GSK3B: variants seen among roughly 807,000 people sequenced by gnomAD.
The protein encoded by GSK3B is glycogen synthase kinase 3 beta.
GSK3B carries 15 observed loss-of-function variants against 56.4 expected under a neutral mutation model. That is an observed-to-expected ratio of 0.27 (90% CI 0.18 to 0.41). GSK3B has a LOEUF of 0.41. GSK3B is among the 10% of genes least tolerant of loss of function. GSK3B has a pLI of 1.00. For synonymous variants in GSK3B, 181 were observed against 188.9 expected (o/e 0.96, Z 0.34); for missense variants, 300 against 513.4 (o/e 0.58, Z 4.02).
intron 7 of GSK3B, among the ~76,000 whole-genome samples, chr3:119,885,595 A>C (rs540844322): frequency 6.6e-6 from 1 of 152,260 alleles, no homozygotes; most frequent in East Asian, 1.9e-4. Flanking sequence ...ATATAGCCAA[A>C]GCAATCCTAA....
At chr3:119,979,293 T>A (rs992313491) in intron 2 of GSK3B, among the ~76,000 whole-genome samples, 23 of 152,174 alleles carry the variant, frequency 1.5e-4, no homozygotes, top group African/African-American at 5.6e-4. Flanking sequence ...AGCTTGTACC[T>A]CTTATAAAAT....
chr3:119,925,157 C>T (rs965337125), intron 3 of GSK3B, among the ~76,000 whole-genome samples: 1 of 151,624 alleles, frequency 6.6e-6, no homozygotes, highest in Non-Finnish European at 1.5e-5. Context: ...GGCAAAACCC[C>T]ATCTCTACAA....
chr3:120,079,830 C>T (rs773942832), intron 1 of GSK3B, among the ~76,000 whole-genome samples: 7 of 152,186 alleles, frequency 4.6e-5, no homozygotes, highest in Non-Finnish European at 8.8e-5. Context: ...CAAGTATTTG[C>T]TACTTACAGA....
chr3:119,872,513 G>A (rs761287637), intron 8 of GSK3B, among the ~76,000 whole-genome samples: 3 of 152,084 alleles, frequency 2.0e-5, no homozygotes, highest in Non-Finnish European at 4.4e-5. Flanking sequence ...CATCACATGT[G>A]CTTTTTAAAA....
intron 1 of GSK3B, 62 bp from the exon 2 acceptor site, chr3:120,002,301 G>A: frequency 1.2e-6 from 1 of 845,346 alleles, no homozygotes; most frequent in South Asian, 2.9e-5. Flanking sequence ...AGAGAAAACT[G>A]CCAAAATATA....
At chr3:119,911,008 A>G (rs918976612) in intron 6 of GSK3B, among the ~76,000 whole-genome samples, 1 of 152,172 alleles carries the variant, frequency 6.6e-6, no homozygotes, top group Non-Finnish European at 1.5e-5. Flanking sequence ...CCTTCACTGA[A>G]GTCTAGAATG....
intron 1 of GSK3B, among the ~76,000 whole-genome samples, chr3:120,083,050 C>T (rs1437008203): frequency 6.6e-6 from 1 of 151,642 alleles, no homozygotes; most frequent in Non-Finnish European, 1.5e-5. Context: ...TACAAAGTAA[C>T]CTTCCAACAT....
At chr3:120,033,040 A>G (rs1474299860) in intron 1 of GSK3B, among the ~76,000 whole-genome samples, 1 of 152,222 alleles carries the variant, frequency 6.6e-6, no homozygotes, top group Non-Finnish European at 1.5e-5. Flanking sequence ...CTAAGGAAAC[A>G]GTAACCTACT....
At position 119,826,346 on chromosome 3, in the gene GSK3B, G is replaced by T; in HGVS notation, c.*442C>A. On this transcript the variant is annotated 3_prime_UTR_variant, in exon 11 of 11. Coordinates refer to ENST00000264235, the MANE Select transcript of GSK3B (RefSeq NM_001146156.2). ...CTAAGCTCCCAACCAATTTCAAGCT[G>T]TGCACTATACCAAAGTCTCACACTA... 2.7e-6 allele frequency: 1 copy of T among 373,132 alleles called. No individual in the cohort carries two copies. Among genetic ancestry groups the T allele is most frequent in the Non-Finnish European group, 5.0e-6 (1 of 201,106 alleles). The allele number at this position is 373,132 out of a possible 1,614,324, so 23.1% of individuals were successfully genotyped here.
chr3:119,994,218 T>C (rs1483345055), intron 2 of GSK3B, among the ~76,000 whole-genome samples: 1 of 151,960 alleles, frequency 6.6e-6, no homozygotes, highest in African/African-American at 2.4e-5. Context: ...TTTAATAAAA[T>C]GAGAGTCAAT....
intron 9 of GSK3B, among the ~76,000 whole-genome samples, chr3:119,856,087 CATTTTTTCTTT>C (rs2056019581): frequency 6.6e-6 from 1 of 152,132 alleles, no homozygotes; most frequent in African/African-American, 2.4e-5. Context: ...TTAGCTTTGT[CATTTTTTCTTT>C]ATCTTTCTGG....
chr3:119,918,520 T>C (rs564035842), intron 4 of GSK3B, among the ~76,000 whole-genome samples: 10 of 152,080 alleles, frequency 6.6e-5, no homozygotes, highest in Admixed American at 2.6e-4. Flanking sequence ...GTTTGGTGGC[T>C]AAATAAAAGA....
chr3:119,976,983 A>C (rs2057414686), intron 2 of GSK3B, among the ~76,000 whole-genome samples: 1 of 152,090 alleles, frequency 6.6e-6, no homozygotes, highest in African/African-American at 2.4e-5. Context: ...CTCTCAAACC[A>C]CTCAAGACAC....
chr3:119,917,864 G>C lies in GSK3B; in HGVS notation c.478-1690C>G, dbSNP rs2319401. On this transcript the variant is annotated intron_variant, in intron 4 of 10. Coordinates refer to ENST00000264235, the MANE Select transcript of GSK3B (RefSeq NM_001146156.2). ...TTTGTAAAAGTGTATTTATAAGAAA[G>C]CTGAGAGGCTTTCTAGACTAGAATG... Among the ~76,000 whole-genome samples the C allele has an allele frequency of 1.1e-3, 167 of 152,104 alleles. 1 individual carries two copies. The highest frequency in any genetic ancestry group is 3.6e-3 in the African/African-American group (149 of 41,536).
rs17246730 is a variant in GSK3B, at chr3:119,923,499, T to A, written c.367-16A>T. 9,339 of 1,348,858 alleles carry A rather than the reference T, an allele frequency of 6.9e-3. 322 individuals are homozygous for A. The African/African-American group carries it at 0.092, about 13-fold the overall frequency. The allele number at this position is 1,348,858 out of a possible 1,614,324, so 83.6% of individuals were successfully genotyped here. ...CCTCATCTTTCTGAAAGAGTTTATT[T>A]AAAAAAACAAAAAACAAAACAGATT... On this transcript the variant is annotated splice_polypyrimidine_tract_variant and intron_variant, in intron 3 of 10. Coordinates refer to ENST00000264235, the MANE Select transcript of GSK3B (RefSeq NM_001146156.2).
intron 1 of GSK3B, among the ~76,000 whole-genome samples, chr3:120,042,983 A>G (rs1443628023): frequency 4.6e-5 from 7 of 152,182 alleles, no homozygotes; most frequent in African/African-American, 1.7e-4. Context: ...TGACATTCCT[A>G]CATTTAAAAC....
intron 2 of GSK3B, among the ~76,000 whole-genome samples, chr3:119,989,041 T>C (rs1324601256): frequency 6.6e-6 from 1 of 152,138 alleles, no homozygotes; most frequent in Admixed American, 6.5e-5. Context: ...TGGCTACAAG[T>C]TTCCAAAATA....
At chr3:120,048,797 T>C (rs1287889929) in intron 1 of GSK3B, among the ~76,000 whole-genome samples, 1 of 152,338 alleles carries the variant, frequency 6.6e-6, no homozygotes. Context: ...CTCCCATTTA[T>C]ACCCAGAATA....
intron 1 of GSK3B, among the ~76,000 whole-genome samples, chr3:120,073,390 GAAGAA>G (rs893671873): frequency 7.2e-5 from 11 of 152,042 alleles, no homozygotes; most frequent in South Asian, 2.1e-4. Flanking sequence ...CCATCTCAAA[GAAGAA>G]AAGAAAAGGA....
Sources: gnomAD v4.1 joint callset for allele counts (sites outside exome capture counted in the v4.1 genomes callset) on GRCh38, gnomAD v4.1.1 for gene constraint, MANE v1.5 for transcripts, NCBI Gene and HGNC (gene_info 2026-07-23, HGNC 2026-07-21) for gene names.